Variants in COL4A3 observed in about 807,000 individuals in gnomAD.
The protein encoded by COL4A3 is collagen alpha-3(IV) chain.
A neutral mutation model predicts 217.4 loss-of-function variants in COL4A3; 135 were observed. That is an observed-to-expected ratio of 0.62 (90% CI 0.54 to 0.72). COL4A3 has a LOEUF of 0.72. COL4A3 is among the 30% of genes least tolerant of loss of function. The probability of loss-of-function intolerance (pLI) is 0.00; values close to 1 mark genes in which losing one functional copy is unlikely to be tolerated. For missense variants in COL4A3, 1,868 were observed against 2,119.9 expected (o/e 0.88, Z 2.33); for synonymous variants, 690 against 736.3 (o/e 0.94, Z 1.02).
chr2:227,274,269 A>G (rs1420841972), intron 26 of COL4A3, among the ~76,000 whole-genome samples: 4 of 151,404 alleles, frequency 2.6e-5, no homozygotes, highest in African/African-American at 9.7e-5. Context: ...AAATAAATAA[A>G]TAAATTTTAA....
At position 227,282,275 on chromosome 2, in the gene COL4A3, A is replaced by AATATAT. The variant is rs72371878; in HGVS notation, c.2489-69_2489-64dup. 398 of 354,504 alleles carry AATATAT rather than the reference A, an allele frequency of 1.1e-3. No homozygotes were observed. Among genetic ancestry groups the AATATAT allele is most frequent in the African/African-American group, 7.6e-3 (305 of 40,020 alleles). The allele number at this position is 354,504 out of a possible 1,614,324, so 22.0% of individuals were successfully genotyped here. On this transcript the variant is annotated intron_variant, in intron 31 of 51. Coordinates refer to ENST00000396578, the MANE Select transcript of COL4A3 (RefSeq NM_000091.5). This position sits in a 1 kb window ranked among gnomAD's most constrained non-coding sequence, Gnocchi z 4.4. ...AGACAGAGGGAGATTCCATCTTAAA[A>AATATAT]ATATATATATATATATATATATATA...
chr2:227,183,133 T>C (rs2065909739), intron 1 of COL4A3, among the ~76,000 whole-genome samples: 1 of 152,196 alleles, frequency 6.6e-6, no homozygotes, highest in Non-Finnish European at 1.5e-5. Context: ...TGGCCTCTAA[T>C]TTTCCTGTTT....
In COL4A3 at chr2:227,164,732, C is replaced by A; in HGVS notation, c.6C>A (p.Ser2Arg). The A allele has an allele frequency of 6.5e-7, 1 of 1,530,006 alleles. No individual in the cohort carries two copies. Among genetic ancestry groups the A allele is most frequent in the Non-Finnish European group, 8.7e-7 (1 of 1,145,018 alleles). The allele number at this position is 1,530,006 out of a possible 1,614,324, so 94.8% of individuals were successfully genotyped here. A position where few individuals can be genotyped will look rare whatever the true frequency, so the allele number is the denominator to read the frequency against. Residue 2 changes from serine to arginine, a missense_variant, in exon 1 of 52, where the codon AGC (serine) becomes AGA (arginine). Ser to Arg is a moderately radical substitution (Grantham distance 110). This residue lies in a region of COL4A3 where 365 missense variants were observed against 333.8 expected (regional missense o/e 1.09). Coordinates refer to ENST00000396578, the MANE Select transcript of COL4A3 (RefSeq NM_000091.5). The surrounding 1 kb of genome is among the most constrained non-coding windows in gnomAD (Gnocchi z 4.8). ...GCTCTGAGCGCGCGCCCACCATGAG[C>A]GCCCGGACCGCCCCCAGGCCGCAGG... is the stretch of plus-strand genomic sequence containing the variant. Reference protein sequence around the residue: MSARTAPRPQVL... With the variant: MRARTAPRPQVL...
At chr2:227,171,581 C>T (rs1296116521) in intron 1 of COL4A3, among the ~76,000 whole-genome samples, 1 of 152,116 alleles carries the variant, frequency 6.6e-6, no homozygotes, top group Non-Finnish European at 1.5e-5. Flanking sequence ...CACAAAATAC[C>T]ATAGACTGAG....
chr2:227,233,340 A>AG (rs11383756), intron 1 of COL4A3, among the ~76,000 whole-genome samples: 3 of 151,764 alleles, frequency 2.0e-5, no homozygotes, highest in African/African-American at 4.8e-5. Flanking sequence ...TGTTAAAAAA[A>AG]AAAAATTCTA....
chr2:227,307,959 A>T, intron 48 of COL4A3, 40 bp downstream of exon 48: 1 of 1,565,044 alleles, frequency 6.4e-7, no homozygotes. Context: ...GCTGTTCCAC[A>T]TGCAGATTGT....
intron 26 of COL4A3, among the ~76,000 whole-genome samples, chr2:227,274,222 T>A (rs922406107): frequency 9.3e-6 from 1 of 107,442 alleles, no homozygotes; most frequent in Non-Finnish European, 2.3e-5. Flanking sequence ...GGGCAACAGA[T>A]TGAGATACTG....
At chr2:227,306,146 T>G (rs1423482201) in intron 47 of COL4A3, among the ~76,000 whole-genome samples, 3 of 152,212 alleles carry the variant, frequency 2.0e-5, no homozygotes, top group African/African-American at 7.2e-5. Flanking sequence ...TTAAAAATTT[T>G]AATGACCAAG....
At position 227,275,587 on chromosome 2, in the gene COL4A3, T is replaced by C. The variant is rs184450576; in HGVS notation, c.1928-798T>C. 9.3e-4 allele frequency among the ~76,000 whole-genome samples: 142 copies of C among 152,334 alleles called. 1 individual carries two copies. Among genetic ancestry groups the C allele is most frequent in the African/African-American group, 3.2e-3 (133 of 41,568 alleles). On this transcript the variant is annotated intron_variant, in intron 26 of 51. Transcript: ENST00000396578. ...CATACTGTAAACCTATTTTTTTCTA[T>C]AAATAAATGACTATATGGACAACAC...
intron 26 of COL4A3, 95 bp from the exon 27 acceptor site, chr2:227,276,290 A>T: frequency 2.2e-6 from 2 of 911,160 alleles, no homozygotes; most frequent in East Asian, 2.5e-5. Flanking sequence ...TTTTTTGGGG[A>T]TATGTTTATA....
intron 15 of COL4A3, 35 bp from the exon 16 acceptor site, chr2:227,255,991 T>C (rs566448423): frequency 6.2e-6 from 10 of 1,606,980 alleles, no homozygotes; most frequent in Non-Finnish European, 8.5e-6. Flanking sequence ...GCCATATTTA[T>C]TACATTTCAT....
chr2:227,182,519 A>T (rs1393362653), intron 1 of COL4A3, among the ~76,000 whole-genome samples: 1 of 152,210 alleles, frequency 6.6e-6, no homozygotes, highest in Non-Finnish European at 1.5e-5. Context: ...TTGTGAATAA[A>T]ATCTATTAGA....
chr2:227,311,744 A>G, intron 51 of COL4A3, 42 bp from the exon 52 acceptor site: 2 of 1,583,500 alleles, frequency 1.3e-6, no homozygotes, highest in Non-Finnish European at 8.6e-7. Context: ...ATTCCCTTTT[A>G]TGCATAAATA....
chr2:227,302,469 G>T (rs1057287488), intron 43 of COL4A3, among the ~76,000 whole-genome samples: 1 of 152,028 alleles, frequency 6.6e-6, no homozygotes, highest in African/African-American at 2.4e-5. Flanking sequence ...TTGAGGTCAG[G>T]AGGTCGAGAC....
chr2:227,223,626 T>G (rs1470553603), intron 1 of COL4A3, among the ~76,000 whole-genome samples: 1 of 151,986 alleles, frequency 6.6e-6, no homozygotes, highest in African/African-American at 2.4e-5. Flanking sequence ...CCCAGCTACT[T>G]GGGAAATTGT....
intron 3 of COL4A3, among the ~76,000 whole-genome samples, chr2:227,242,486 C>T (rs1161762042): frequency 1.3e-5 from 2 of 152,164 alleles, no homozygotes; most frequent in African/African-American, 4.8e-5. Flanking sequence ...ATTATAAACT[C>T]AATCTCCAGC....
chr2:227,231,150 A>C (rs2068381199), intron 1 of COL4A3, among the ~76,000 whole-genome samples: 2 of 152,100 alleles, frequency 1.3e-5, no homozygotes, highest in Non-Finnish European at 2.9e-5. Context: ...TATGGCAGAC[A>C]TGTATAACTG....
intron 38 of COL4A3, chr2:227,294,244 A>C: frequency 2.0e-6 from 1 of 498,370 alleles, no homozygotes; most frequent in East Asian, 3.6e-5. Context: ...TTAAAATAAA[A>C]TCGCATATTG....
intron 15 of COL4A3, among the ~76,000 whole-genome samples, chr2:227,255,709 G>T (rs1362431598): frequency 6.6e-6 from 1 of 151,996 alleles, no homozygotes; most frequent in African/African-American, 2.4e-5. Flanking sequence ...CCCAGTGTGT[G>T]TGTGTTTTTT....
Sources: gnomAD v4.1 joint callset for allele counts (sites outside exome capture counted in the v4.1 genomes callset) on GRCh38, gnomAD v4.1.1 for gene constraint, gnomAD v4.1.1 regional missense constraint, Gnocchi (gnomAD v3.1) non-coding constraint, MANE v1.5 for transcripts, NCBI Gene and HGNC (gene_info 2026-07-23, HGNC 2026-07-21) for gene names.